MALRD1: variants seen among roughly 807,000 people sequenced by gnomAD.
MALRD1 encodes MAM and LDL receptor class A domain containing 1, also known as MAM and LDL-receptor class A domain-containing protein 1.
MALRD1 carries 247 observed loss-of-function variants against 242.1 expected under a neutral mutation model. The observed-to-expected ratio is 1.02, with a 90% CI of 0.92 to 1.13. MALRD1 has a LOEUF of 1.13. Ranked by LOEUF, MALRD1 falls within the 50% of genes most tolerant of loss-of-function variation. The pLI is 0.00. For synonymous variants in MALRD1, 995 were observed against 866.6 expected (o/e 1.15, Z -2.60); for missense variants, 2,989 against 2,533.1 (o/e 1.18, Z -3.86).
intron 36 of MALRD1, among the ~76,000 whole-genome samples, chr10:19,656,650 CA>C (rs917165030): frequency 6.6e-6 from 1 of 152,022 alleles, no homozygotes; most frequent in Non-Finnish European, 1.5e-5. Flanking sequence ...TGTAATCTTG[CA>C]AAAACTTTCC....
chr10:19,278,374 C>T (rs2131871893), intron 19 of MALRD1, among the ~76,000 whole-genome samples: 1 of 152,198 alleles, frequency 6.6e-6, no homozygotes, highest in South Asian at 2.1e-4. Context: ...CCTCTGTTTT[C>T]TTTCAATACA....
At chr10:19,228,406 C>T (rs1236805885) in intron 18 of MALRD1, among the ~76,000 whole-genome samples, 1 of 152,076 alleles carries the variant, frequency 6.6e-6, no homozygotes, top group Admixed American at 6.6e-5. Flanking sequence ...AGATCAAATG[C>T]AAAACAGCAA....
At chr10:19,698,482 C>A (rs1833473889) in intron 38 of MALRD1, among the ~76,000 whole-genome samples, 1 of 152,124 alleles carries the variant, frequency 6.6e-6, no homozygotes, top group Non-Finnish European at 1.5e-5. Flanking sequence ...CCAGTCTATA[C>A]TAGGAGGCAA....
intron 7 of MALRD1, among the ~76,000 whole-genome samples, chr10:19,124,935 C>CTTTTTTTTTT (rs1173453764): frequency 7.6e-5 from 4 of 52,590 alleles, no homozygotes; most frequent in Non-Finnish European, 9.5e-5. Flanking sequence ...TATTAAAAGG[C>CTTTTTTTTTT]TTTTTTTTTT....
intron 28 of MALRD1, among the ~76,000 whole-genome samples, chr10:19,413,429 A>G (rs184754554): frequency 7.9e-5 from 12 of 152,282 alleles, no homozygotes; most frequent in African/African-American, 2.2e-4. Flanking sequence ...TTCTTGCACC[A>G]ATTTTCTGCT....
intron 18 of MALRD1, among the ~76,000 whole-genome samples, chr10:19,245,318 T>G (rs570438910): frequency 6.6e-6 from 1 of 152,274 alleles, no homozygotes; most frequent in Non-Finnish European, 1.5e-5. Context: ...ATGATTTTTT[T>G]GTGTAGTCTT....
intron 28 of MALRD1, among the ~76,000 whole-genome samples, chr10:19,431,970 G>A (rs1171899992): frequency 6.6e-6 from 1 of 151,868 alleles, no homozygotes; most frequent in Non-Finnish European, 1.5e-5. Context: ...TTTTCCCAGT[G>A]TTCTTCTACG....
Position 19,734,264 on chromosome 10 carries a change from CAT to C in MALRD1, c.*28_*29del, listed in dbSNP as rs1461612319. The C allele has an allele frequency of 4.0e-6, 6 of 1,509,466 alleles. No homozygotes were observed. The Admixed American group carries it at 9.9e-5, about 25-fold the overall frequency. The allele number at this position is 1,509,466 out of a possible 1,614,324, so 93.5% of individuals were successfully genotyped here. A position where few individuals can be genotyped will look rare whatever the true frequency, so the allele number is the denominator to read the frequency against. On this transcript the variant is annotated 3_prime_UTR_variant, in exon 40 of 40. Coordinates refer to ENST00000454679, the MANE Select transcript of MALRD1 (RefSeq NM_001142308.3). ...AGCATCGAGACCAAGTCTGATCCAA[CAT>C]GTGTAGTTTCTAGAAAATTGAAGTC... is the stretch of plus-strand genomic sequence containing the variant.
chr10:19,573,912 C>G (rs941935548), intron 33 of MALRD1, among the ~76,000 whole-genome samples: 3 of 152,072 alleles, frequency 2.0e-5, no homozygotes, highest in African/African-American at 7.2e-5. Flanking sequence ...CCCCACCCAC[C>G]CTGACTAGGT....
At chr10:19,334,899 G>A (rs941128969) in intron 24 of MALRD1, among the ~76,000 whole-genome samples, 1 of 152,004 alleles carries the variant, frequency 6.6e-6, no homozygotes, top group Non-Finnish European at 1.5e-5. Flanking sequence ...TAGAGATATA[G>A]TTTAGTGTAA....
chr10:19,292,075 C>CTT (rs1841458221), intron 21 of MALRD1, among the ~76,000 whole-genome samples: 1 of 109,302 alleles, frequency 9.1e-6, no homozygotes. Flanking sequence ...AGAGCAAGAC[C>CTT]GTCTCAAAAA....
In MALRD1 at chr10:19,477,432, CT is replaced by C. The variant is rs1836788536; in HGVS notation, c.5030-14084del. Among the ~76,000 whole-genome samples the C allele has an allele frequency of 2.0e-5, 3 of 151,854 alleles. No individual in the cohort carries two copies. In the South Asian group the frequency reaches 6.3e-4, roughly 32 times the overall value. ...GGCCTGTTAGCTCTCAGTTGAGTGA[CT>C]ATTCTGCTACTCTAGAGTAGTTGGA... On this transcript the variant is annotated intron_variant, in intron 29 of 39. Transcript: ENST00000454679.
chr10:19,081,014 A>T (rs1290596429), intron 2 of MALRD1, among the ~76,000 whole-genome samples: 2 of 152,084 alleles, frequency 1.3e-5, no homozygotes, highest in Non-Finnish European at 2.9e-5. Flanking sequence ...TATGAAAAAA[A>T]CCTCAACATC....
At chr10:19,458,201 G>C (rs1835760009) in intron 29 of MALRD1, among the ~76,000 whole-genome samples, 2 of 152,074 alleles carry the variant, frequency 1.3e-5, no homozygotes. Context: ...TTATTGGCAG[G>C]ATGAAGTACG....
chr10:19,275,575 A>G (rs1840473066), intron 19 of MALRD1, among the ~76,000 whole-genome samples: 1 of 152,312 alleles, frequency 6.6e-6, no homozygotes, highest in South Asian at 2.1e-4. Flanking sequence ...TGGCTGAGGC[A>G]GGAGAATGGT....
At chr10:19,232,042 G>A (rs1838102702) in intron 18 of MALRD1, among the ~76,000 whole-genome samples, 2 of 151,982 alleles carry the variant, frequency 1.3e-5, no homozygotes, top group African/African-American at 2.4e-5. Flanking sequence ...CTCTGAAAAC[G>A]TTAGTATTAG....
chr10:19,332,675 A>G (rs1287836478), intron 24 of MALRD1, among the ~76,000 whole-genome samples: 2 of 152,240 alleles, frequency 1.3e-5, no homozygotes, highest in African/African-American at 2.4e-5. Context: ...TTCAGTATAT[A>G]GAGCTTACAT....
chr10:19,140,543 ATGTGTG>A lies in MALRD1; in HGVS notation c.1411+3786_1411+3791del, dbSNP rs34024633. Among the ~76,000 whole-genome samples the A allele has an allele frequency of 2.4e-3, 353 of 147,078 alleles. 3 individuals carry two copies. Among genetic ancestry groups the A allele is most frequent in the Middle Eastern group, 0.014 (4 of 288 alleles). ...ACAAGTGGGGTGTGTGTGTGTGTGT[ATGTGTG>A]TGTGTGTGTGTGTGTGTGTGTGTAT... On this transcript the variant is annotated intron_variant, in intron 10 of 39. Coordinates refer to ENST00000454679, the MANE Select transcript of MALRD1 (RefSeq NM_001142308.3).
At chr10:19,242,112 G>A (rs1325566011) in intron 18 of MALRD1, among the ~76,000 whole-genome samples, 1 of 152,150 alleles carries the variant, frequency 6.6e-6, no homozygotes, top group East Asian at 1.9e-4. Context: ...GAGAAAAAGA[G>A]GTTTAGTGGA....
Sources: allele counts gnomAD v4.1 joint callset (sites outside exome capture counted in the v4.1 genomes callset), GRCh38; gene constraint gnomAD v4.1.1; transcripts MANE v1.5; gene names NCBI Gene and HGNC (gene_info 2026-07-23, HGNC 2026-07-21).